ZNF385D: variants seen among roughly 807,000 people sequenced by gnomAD.
ZNF385D encodes zinc finger protein 659.
ZNF385D carries 15 observed loss-of-function variants against 35.8 expected under a neutral mutation model. The ratio of observed to expected loss-of-function variants is 0.42; its 90% CI spans 0.28 to 0.64. ZNF385D has a LOEUF of 0.64. Ranked by LOEUF, ZNF385D falls within the 30% of genes least tolerant of loss-of-function variation. The pLI is 0.23. For synonymous variants in ZNF385D, 212 were observed against 186.8 expected (o/e 1.13, Z -1.10); for missense variants, 474 against 494.6 (o/e 0.96, Z 0.39).
chr3:21,573,668 G>A (rs1322479834), intron 2 of ZNF385D, among the ~76,000 whole-genome samples: 2 of 152,152 alleles, frequency 1.3e-5, no homozygotes, highest in Non-Finnish European at 2.9e-5. Context: ...ACAAAATAGA[G>A]AAGAATATCT....
chr3:21,686,215 C>T (rs992780090), intron 1 of ZNF385D, among the ~76,000 whole-genome samples: 1 of 152,004 alleles, frequency 6.6e-6, no homozygotes, highest in Non-Finnish European at 1.5e-5. Context: ...GTACTCAAAT[C>T]GTAATGTTTC....
chr3:21,865,863 T>C (rs1306735523), intron 3 of ZNF385D, among the ~76,000 whole-genome samples: 1 of 152,144 alleles, frequency 6.6e-6, no homozygotes, highest in Non-Finnish European at 1.5e-5. Flanking sequence ...AATATAAATA[T>C]TGTATTTGCA....
chr3:21,778,459 G>A (rs1376556205), intron 3 of ZNF385D, among the ~76,000 whole-genome samples: 1 of 151,840 alleles, frequency 6.6e-6, no homozygotes, highest in Non-Finnish European at 1.5e-5. Flanking sequence ...TCATCTCACA[G>A]GGGTAATCTA....
intron 2 of ZNF385D, among the ~76,000 whole-genome samples, chr3:21,592,149 T>C (rs2063993542): frequency 6.6e-6 from 1 of 152,164 alleles, no homozygotes; most frequent in East Asian, 1.9e-4. Context: ...TCTGGCATAA[T>C]TTTTTCATAA....
chr3:22,216,825 G>A (rs1429122775), intron 2 of ZNF385D, among the ~76,000 whole-genome samples: 1 of 152,002 alleles, frequency 6.6e-6, no homozygotes, highest in Non-Finnish European at 1.5e-5. Flanking sequence ...GTGATGTGTG[G>A]CCACTCCCAG....
At chr3:22,124,388 A>G (rs1703304004) in intron 3 of ZNF385D, among the ~76,000 whole-genome samples, 1 of 152,188 alleles carries the variant, frequency 6.6e-6, no homozygotes, top group Middle Eastern at 3.2e-3. Flanking sequence ...TGCAAAAATC[A>G]TGGGAGTGCA....
intron 2 of ZNF385D, among the ~76,000 whole-genome samples, chr3:21,658,671 G>T (rs537211215): frequency 3.6e-4 from 54 of 151,738 alleles, no homozygotes; most frequent in Admixed American, 5.9e-4. Flanking sequence ...CTATACTATG[G>T]TTACCTTAAT....
At chr3:21,956,438 A>G (rs1702293068) in intron 3 of ZNF385D, among the ~76,000 whole-genome samples, 2 of 83,902 alleles carry the variant, frequency 2.4e-5, no homozygotes, top group Admixed American at 2.2e-4. Flanking sequence ...TGAGTGGGAG[A>G]AGAAGAAAAA....
At chr3:21,552,348 A>G (rs2062597085) in intron 3 of ZNF385D, among the ~76,000 whole-genome samples, 1 of 152,194 alleles carries the variant, frequency 6.6e-6, no homozygotes, top group African/African-American at 2.4e-5. Context: ...ATTGGTACTT[A>G]TGGACATGGC....
At chr3:21,674,397 A>G (rs2066661647) in intron 1 of ZNF385D, among the ~76,000 whole-genome samples, 1 of 152,246 alleles carries the variant, frequency 6.6e-6, no homozygotes, top group Non-Finnish European at 1.5e-5. Context: ...ATATGGGTAA[A>G]TAAGCCTGAT....
At chr3:21,515,235 T>A (rs1707484252) in intron 3 of ZNF385D, among the ~76,000 whole-genome samples, 1 of 152,228 alleles carries the variant, frequency 6.6e-6, no homozygotes, top group Non-Finnish European at 1.5e-5. Flanking sequence ...CTCTATAAAT[T>A]GTTATTGCCC....
In ZNF385D at chr3:21,416,721, A is replaced by G. The variant is rs1263656503; in HGVS notation, c.*4493T>C. 2 of 152,194 alleles carry G rather than the reference A, an allele frequency of 1.3e-5. No individual in the cohort carries two copies. Among genetic ancestry groups the G allele is most frequent in the Non-Finnish European group, 2.9e-5 (2 of 68,024 alleles). The allele number at this position is 152,194 out of a possible 1,614,324, so 9.4% of individuals were successfully genotyped here. On this transcript the variant is annotated 3_prime_UTR_variant, in exon 8 of 8. Transcript: ENST00000281523. ...ATTCCTGTAACAATGACAAGAGCGC[A>G]TAACTGATATACTTGTCTGTGGAAG...
At chr3:21,922,208 T>A (rs1168270668) in intron 3 of ZNF385D, among the ~76,000 whole-genome samples, 1 of 152,180 alleles carries the variant, frequency 6.6e-6, no homozygotes, top group Admixed American at 6.5e-5. Context: ...ATGGCCATAC[T>A]GCCCAAAGCA....
At chr3:21,602,754 C>G (rs1293050807) in intron 2 of ZNF385D, among the ~76,000 whole-genome samples, 1 of 150,852 alleles carries the variant, frequency 6.6e-6, no homozygotes, top group East Asian at 2.0e-4. Context: ...AGGATGGTCT[C>G]GATCTCCTAA....
chr3:21,765,416 T>C (rs1156467197), intron 3 of ZNF385D, among the ~76,000 whole-genome samples: 2 of 152,120 alleles, frequency 1.3e-5, no homozygotes, highest in Non-Finnish European at 2.9e-5. Context: ...TTCTCACTCC[T>C]GGACATAACT....
intron 3 of ZNF385D, among the ~76,000 whole-genome samples, chr3:21,900,666 G>A (rs1157016137): frequency 6.6e-6 from 1 of 151,872 alleles, no homozygotes; most frequent in Non-Finnish European, 1.5e-5. Flanking sequence ...AAGTTAAATT[G>A]AAAAAATAAA....
chr3:21,794,318 G>C (rs996479553), intron 3 of ZNF385D, among the ~76,000 whole-genome samples: 1 of 152,142 alleles, frequency 6.6e-6, no homozygotes, highest in Admixed American at 6.5e-5. Context: ...ATCTAGTAAG[G>C]TGACTGGACA....
intron 2 of ZNF385D, among the ~76,000 whole-genome samples, chr3:22,330,777 G>A (rs1350566845): frequency 1.3e-5 from 2 of 152,200 alleles, no homozygotes; most frequent in African/African-American, 2.4e-5. Flanking sequence ...TTGAATAAAT[G>A]GAGAACTCTA....
intron 2 of ZNF385D, among the ~76,000 whole-genome samples, chr3:22,237,876 T>C (rs1456074077): frequency 5.5e-5 from 8 of 144,914 alleles, no homozygotes; most frequent in Admixed American, 5.5e-4. Context: ...TCTCCTGATC[T>C]TGTGATCTGC....
Sources: gnomAD v4.1 joint callset for allele counts (sites outside exome capture counted in the v4.1 genomes callset) on GRCh38, gnomAD v4.1.1 for gene constraint, MANE v1.5 for transcripts, NCBI Gene and HGNC (gene_info 2026-07-23, HGNC 2026-07-21) for gene names.